The following NRG1 variants were observed in gnomAD, a reference collection of about 807,000 sequenced individuals.
The protein encoded by NRG1 is neuregulin 1, also known as pro-neuregulin-1, membrane-bound isoform.
In NRG1, 18 loss-of-function variants were observed where a neutral mutation model predicts 63.8. The ratio of observed to expected loss-of-function variants is 0.28; its 90% confidence interval spans 0.19 to 0.42. NRG1 has a LOEUF of 0.42. Among genes scored for constraint, NRG1 ranks in the 10% least tolerant of loss-of-function variants. The pLI, the probability that NRG1 is intolerant of heterozygous loss-of-function variation, is 1.00. For synonymous variants in NRG1, 302 were observed against 301.3 expected (o/e 1.00, Z -0.02); for missense variants, 762 against 814.7 (o/e 0.94, Z 0.79).
At chr8:32,690,764 C>A (rs1352835594) in intron 5 of NRG1, among the ~76,000 whole-genome samples, 4 of 151,730 alleles carry the variant, frequency 2.6e-5, no homozygotes, top group African/African-American at 2.4e-5. Context: ...AGCAGAGTGA[C>A]TCTTTATCAG....
At chr8:32,573,027 G>T (rs1838913049) in intron 1 of NRG1, among the ~76,000 whole-genome samples, 2 of 152,042 alleles carry the variant, frequency 1.3e-5, no homozygotes, top group Non-Finnish European at 2.9e-5. Flanking sequence ...CCGAGTAATG[G>T]CAACATTTAT....
At chr8:32,109,435 G>A (rs1234013346) in intron 1 of NRG1, among the ~76,000 whole-genome samples, 1 of 152,214 alleles carries the variant, frequency 6.6e-6, no homozygotes, top group Non-Finnish European at 1.5e-5. Flanking sequence ...GGTTTTACCA[G>A]TAAGCAAATT....
chr8:32,241,863 A>G (rs1466162004), intron 1 of NRG1, among the ~76,000 whole-genome samples: 1 of 151,818 alleles, frequency 6.6e-6, no homozygotes, highest in East Asian at 1.9e-4. Flanking sequence ...GGCTTAAGCA[A>G]TCCTCCCACC....
At chr8:32,051,483 G>T (rs550442816) in intron 1 of NRG1, among the ~76,000 whole-genome samples, 3 of 152,292 alleles carry the variant, frequency 2.0e-5, no homozygotes, top group African/African-American at 7.2e-5. Context: ...CTGTGATACT[G>T]ATAAAGACAG....
rs958558674 is a variant in NRG1, at chr8:32,709,944, A to T, written c.503-18005A>T. Among the ~76,000 whole-genome samples, 23 of 152,322 alleles carry T rather than the reference A, an allele frequency of 1.5e-4. 1 individual carries two copies. The highest frequency in any genetic ancestry group is 1.4e-3 in the Admixed American group (22 of 15,296). On this transcript the variant is annotated intron_variant, in intron 5 of 11. Coordinates refer to ENST00000356819, the Ensembl canonical transcript of NRG1. ...GTTATTTGCCATTAGTAAACACTTT[A>T]AATATGTCTGCCACTCTGATTTTTA...
chr8:31,732,508 G>T (rs1296217555), intron 1 of NRG1, among the ~76,000 whole-genome samples: 3 of 152,070 alleles, frequency 2.0e-5, no homozygotes, highest in Non-Finnish European at 4.4e-5. Context: ...AAAATTATAA[G>T]TATGAATTTT....
At chr8:32,093,943 C>G (rs780782790) in intron 1 of NRG1, among the ~76,000 whole-genome samples, 1 of 152,158 alleles carries the variant, frequency 6.6e-6, no homozygotes, top group Non-Finnish European at 1.5e-5. Context: ...AAAACATGAG[C>G]GGTGACTTCA....
chr8:32,684,754 A>G (rs1238960199), intron 5 of NRG1, among the ~76,000 whole-genome samples: 1 of 152,084 alleles, frequency 6.6e-6, no homozygotes, highest in Non-Finnish European at 1.5e-5. Context: ...CCATTTCAAC[A>G]TTTTATTGTG....
chr8:32,563,687 G>T (rs1461135195), intron 1 of NRG1, among the ~76,000 whole-genome samples: 3 of 152,004 alleles, frequency 2.0e-5, no homozygotes, highest in Non-Finnish European at 4.4e-5. Flanking sequence ...TTTCCTCAGT[G>T]GTTTATGTTC....
chr8:31,841,606 T>C (rs1826209725), intron 1 of NRG1, among the ~76,000 whole-genome samples: 1 of 152,162 alleles, frequency 6.6e-6, no homozygotes, highest in African/African-American at 2.4e-5. Context: ...GCCAGCCTAT[T>C]ATATATGGCA....
chr8:32,342,362 T>G (rs1804185212), intron 1 of NRG1, among the ~76,000 whole-genome samples: 1 of 152,158 alleles, frequency 6.6e-6, no homozygotes, highest in Non-Finnish European at 1.5e-5. Context: ...AAACTAACAA[T>G]CACAAGAGCT....
intron 1 of NRG1, among the ~76,000 whole-genome samples, chr8:32,298,714 C>CAAAA (rs760147959): frequency 1.1e-5 from 1 of 90,884 alleles, no homozygotes; most frequent in African/African-American, 4.5e-5. Flanking sequence ...AACTCAGTCT[C>CAAAA]AAAAAAAAAA....
intron 1 of NRG1, among the ~76,000 whole-genome samples, chr8:31,835,887 G>A (rs2129607000): frequency 6.6e-6 from 1 of 152,260 alleles, no homozygotes. Context: ...TGTTCACTAA[G>A]GTAGCAACTA....
At chr8:31,740,157 C>G (rs944589854) in intron 1 of NRG1, among the ~76,000 whole-genome samples, 30 of 151,962 alleles carry the variant, frequency 2.0e-4, no homozygotes, top group African/African-American at 7.3e-4. Flanking sequence ...TTAGGCAATG[C>G]AAAGACTTTT....
At chr8:32,118,272 A>G (rs1832992513) in intron 1 of NRG1, among the ~76,000 whole-genome samples, 1 of 151,968 alleles carries the variant, frequency 6.6e-6, no homozygotes, top group African/African-American at 2.4e-5. Flanking sequence ...GAACTGAGTG[A>G]CTTGTTGCTC....
intron 1 of NRG1, among the ~76,000 whole-genome samples, chr8:32,128,570 C>T (rs1834401841): frequency 6.6e-6 from 1 of 151,940 alleles, no homozygotes; most frequent in African/African-American, 2.4e-5. Flanking sequence ...AGAATTGAAA[C>T]AATGGGCAAA....
At chr8:31,761,103 C>A (rs562738355) in intron 1 of NRG1, among the ~76,000 whole-genome samples, 3 of 152,254 alleles carry the variant, frequency 2.0e-5, no homozygotes, top group East Asian at 3.9e-4. Context: ...AGATATACAC[C>A]ATGGAATACT....
intron 1 of NRG1, among the ~76,000 whole-genome samples, chr8:31,771,207 T>C (rs990613987): frequency 2.6e-5 from 4 of 152,214 alleles, no homozygotes; most frequent in Admixed American, 6.5e-5. Flanking sequence ...ATTAAAAATT[T>C]GTCATTTCAA....
At chr8:32,439,661 T>C (rs907058982) in intron 1 of NRG1, among the ~76,000 whole-genome samples, 1 of 152,056 alleles carries the variant, frequency 6.6e-6, no homozygotes, top group Non-Finnish European at 1.5e-5. Context: ...AATAGCACTA[T>C]AAGAAACTGC....
Sources: gnomAD v4.1 joint callset for allele counts (sites outside exome capture counted in the v4.1 genomes callset) on GRCh38, gnomAD v4.1.1 for gene constraint, MANE v1.5 for transcripts, NCBI Gene and HGNC (gene_info 2026-07-23, HGNC 2026-07-21) for gene names.